The following GREM2 variants were observed in gnomAD, a reference collection of about 807,000 sequenced individuals.
The protein encoded by GREM2 is gremlin 2, DAN family BMP antagonist.
In GREM2, 11 loss-of-function variants were observed where a neutral mutation model predicts 14.2. The ratio of observed to expected loss-of-function variants is 0.78; its 90% CI spans 0.49 to 1.28. The LOEUF (loss-of-function observed/expected upper bound fraction) is 1.28. GREM2 is among the 50% of genes most tolerant of loss of function. GREM2 has a pLI of 0.00. For missense variants in GREM2, 210 were observed against 218.5 expected (o/e 0.96, Z 0.24); for synonymous variants, 98 against 97.6 (o/e 1.00, Z -0.02).
At chr1:240,524,784 G>T (rs1226326083) in intron 1 of GREM2, among the ~76,000 whole-genome samples, 2 of 152,054 alleles carry the variant, frequency 1.3e-5, no homozygotes, top group African/African-American at 2.4e-5. Context: ...TCCTACCATG[G>T]TTTTCTGAAC....
chr1:240,578,830 A>G (rs1679423591), intron 1 of GREM2, among the ~76,000 whole-genome samples: 2 of 151,352 alleles, frequency 1.3e-5, no homozygotes, highest in South Asian at 2.1e-4. Flanking sequence ...TAGAAAAAAA[A>G]GAGCAAATTT....
At chr1:240,571,887 A>T (rs1202014176) in intron 1 of GREM2, among the ~76,000 whole-genome samples, 1 of 152,114 alleles carries the variant, frequency 6.6e-6, no homozygotes, top group African/African-American at 2.4e-5. Context: ...CACCAAGGAA[A>T]TAAAGAAGCC....
chr1:240,531,051 T>A (rs1369914095), intron 1 of GREM2, among the ~76,000 whole-genome samples: 1 of 152,218 alleles, frequency 6.6e-6, no homozygotes, highest in Non-Finnish European at 1.5e-5. Context: ...CTGTTAAATC[T>A]TCAATCAGAT....
chr1:240,523,878 A>G (rs1168066817), intron 1 of GREM2, among the ~76,000 whole-genome samples: 1 of 152,224 alleles, frequency 6.6e-6, no homozygotes, highest in Non-Finnish European at 1.5e-5. Flanking sequence ...CTCAGCAACC[A>G]CATATTTTTG....
chr1:240,600,449 G>A (rs71648610), intron 1 of GREM2, among the ~76,000 whole-genome samples: 23,469 of 151,874 alleles, frequency 0.15, 2,232 homozygotes, highest in East Asian at 0.42. Flanking sequence ...AGTTCTATCC[G>A]GTTTTTACCT....
At chr1:240,521,658 ATC>A (rs1410360973) in intron 1 of GREM2, among the ~76,000 whole-genome samples, 2 of 152,154 alleles carry the variant, frequency 1.3e-5, no homozygotes, top group Admixed American at 6.5e-5. Flanking sequence ...TGAAAATGAC[ATC>A]TGTTAGAATA....
chr1:240,547,532 T>TAGACAGATAGATAGATAGATAG (rs1553275859), intron 1 of GREM2, among the ~76,000 whole-genome samples: 6 of 121,876 alleles, frequency 4.9e-5, no homozygotes, highest in African/African-American at 1.8e-4. Flanking sequence ...TATATATATA[T>TAGACAGATAGATAGATAGATAG]ATAGATAGAT....
intron 1 of GREM2, chr1:240,531,714 CT>C (rs11353211): frequency 0.2 from 177,709 of 889,578 alleles, 6,071 homozygotes; most frequent in South Asian, 0.26. Context: ...TTTTCTTCTT[CT>C]TTTTTTTTTT....
intron 1 of GREM2, among the ~76,000 whole-genome samples, chr1:240,572,501 A>G (rs945211038): frequency 1.3e-5 from 2 of 152,210 alleles, no homozygotes; most frequent in Non-Finnish European, 2.9e-5. Context: ...AGTCTTCCCC[A>G]TCTGCTGACA....
chr1:240,512,394 A>T (rs1677852864), intron 1 of GREM2, among the ~76,000 whole-genome samples: 1 of 101,264 alleles, frequency 9.9e-6, no homozygotes, highest in Non-Finnish European at 2.0e-5. Flanking sequence ...TGGATAACTC[A>T]GCACCGGGCT....
intron 1 of GREM2, among the ~76,000 whole-genome samples, chr1:240,592,284 T>C (rs1246611678): frequency 1.3e-5 from 2 of 152,212 alleles, no homozygotes; most frequent in South Asian, 2.1e-4. Context: ...TAAGTTTATA[T>C]GCAAAGAGAC....
rs766873103 is a variant in GREM2 at position 240,562,903 on chromosome 1, T to C, written c.-2+48981A>G. ...ATGTGTGTATGAGTGTGTATGTGTGTATGTATGTCTGTGAGTGTATGTGTA... is the reference window on the plus strand; with the variant it reads ...ATGTGTGTATGAGTGTGTATGTGTGCATGTATGTCTGTGAGTGTATGTGTA... On this transcript the variant is annotated intron_variant, in intron 1 of 1. Coordinates refer to ENST00000318160, the MANE Select transcript of GREM2 (RefSeq NM_022469.4). 1.1e-4 allele frequency among the ~76,000 whole-genome samples: 17 copies of C among 150,800 alleles called. 1 individual carries two copies. The highest frequency in any genetic ancestry group is 6.8e-3 in the Middle Eastern group (2 of 292).
At chr1:240,555,252 C>G (rs952256708) in intron 1 of GREM2, among the ~76,000 whole-genome samples, 14 of 152,130 alleles carry the variant, frequency 9.2e-5, no homozygotes, top group Non-Finnish European at 2.1e-4. Context: ...CAGTTTAAGT[C>G]CTGCTTTTAT....
intron 1 of GREM2, among the ~76,000 whole-genome samples, chr1:240,598,315 T>C (rs1357315941): frequency 1.3e-5 from 2 of 152,198 alleles, no homozygotes; most frequent in Non-Finnish European, 2.9e-5. Context: ...CTTTGATCTT[T>C]TAAATGTCTG....
At chr1:240,578,068 T>G (rs1027368715) in intron 1 of GREM2, among the ~76,000 whole-genome samples, 3 of 152,096 alleles carry the variant, frequency 2.0e-5, no homozygotes, top group African/African-American at 7.2e-5. Flanking sequence ...TGTTGTTGTT[T>G]TTGTGTTGTT....
At chr1:240,535,703 G>A (rs1156769541) in intron 1 of GREM2, among the ~76,000 whole-genome samples, 1 of 151,270 alleles carries the variant, frequency 6.6e-6, no homozygotes, top group East Asian at 1.9e-4. Context: ...GGAGGCTGAG[G>A]CAGGAGAATT....
chr1:240,509,456 C>T (rs1285388046), intron 1 of GREM2, among the ~76,000 whole-genome samples: 1 of 150,778 alleles, frequency 6.6e-6, no homozygotes, highest in Non-Finnish European at 1.5e-5. Context: ...GCAACCTCTG[C>T]CTCCTGGGTT....
chr1:240,590,414 A>G (rs984433468), intron 1 of GREM2, among the ~76,000 whole-genome samples: 1 of 146,260 alleles, frequency 6.8e-6, no homozygotes, highest in South Asian at 2.2e-4. Flanking sequence ...GGATTTTTTT[A>G]CTTTTTCTTT....
At position 240,531,939 on chromosome 1, in the gene GREM2, T is replaced by C. The variant is rs979668343; in HGVS notation, c.-1-38463A>G. On this transcript the variant is annotated intron_variant, in intron 1 of 1. Transcript: ENST00000318160. ...CTTCAATCCAAACAATTGGAAACGATAGCCATTGGTAGACACTTTGTTTCC... is the reference window on the plus strand; with the variant it reads ...CTTCAATCCAAACAATTGGAAACGACAGCCATTGGTAGACACTTTGTTTCC... Among the ~76,000 whole-genome samples, 11 of 152,058 alleles carry C rather than the reference T, an allele frequency of 7.2e-5. 1 individual carries two copies. The highest frequency in any genetic ancestry group is 2.4e-4 in the African/African-American group (10 of 41,396).
Sources: gnomAD v4.1 joint callset for allele counts (sites outside exome capture counted in the v4.1 genomes callset) on GRCh38, gnomAD v4.1.1 for gene constraint, MANE v1.5 for transcripts, NCBI Gene and HGNC (gene_info 2026-07-23, HGNC 2026-07-21) for gene names.